The following BRCA2 variants were observed in gnomAD, a reference collection of about 807,000 sequenced individuals.
BRCA2 encodes BRCA2 DNA repair associated.
A neutral mutation model predicts 276.7 loss-of-function variants in BRCA2; 203 were observed. The observed-to-expected ratio is 0.73, with a 90% CI of 0.65 to 0.82. The LOEUF (loss-of-function observed/expected upper bound fraction) is 0.82. Ranked by LOEUF, BRCA2 falls within the 40% of genes least tolerant of loss-of-function variation. The pLI is 0.00. For synonymous variants in BRCA2, 1,289 were observed against 1,338.4 expected (o/e 0.96, Z 0.81); for missense variants, 3,920 against 3,915.0 (o/e 1.00, Z -0.03).
In BRCA2 at chr13:32,395,590, G is replaced by A. The variant is rs545759883; in HGVS notation, c.9501+657G>A. ...GTCAAATGCCAAGTTAGTAAAACTA[G>A]GATTCATACTTAGGCCATCGAATGC... is the stretch of plus-strand genomic sequence containing the variant. On this transcript the variant is annotated intron_variant, in intron 25 of 26. Transcript: ENST00000380152. Among the ~76,000 whole-genome samples, 13 of 152,188 alleles carry A rather than the reference G, an allele frequency of 8.5e-5. No individual in the cohort carries two copies. In the East Asian group the frequency reaches 2.5e-3, roughly 29 times the overall value.
intron 13 of BRCA2, among the ~76,000 whole-genome samples, chr13:32,349,459 A>G (rs1302067865): frequency 1.3e-5 from 2 of 152,122 alleles, no homozygotes; most frequent in Non-Finnish European, 2.9e-5. Context: ...AAGACTAGGA[A>G]TTGGTGGCTT....
chr13:32,395,712 C>T (rs1326725188), intron 25 of BRCA2, among the ~76,000 whole-genome samples: 1 of 151,992 alleles, frequency 6.6e-6, no homozygotes, highest in Non-Finnish European at 1.5e-5. Flanking sequence ...AAAAATAAGC[C>T]TCTTAATTCT....
Position 32,333,096 on chromosome 13 carries a change from C to G in BRCA2, c.1618C>G (p.Leu540Val), listed in dbSNP as rs554273481. 1 of 1,612,996 alleles carries G rather than the reference C, an allele frequency of 6.2e-7. No homozygotes were observed. The highest frequency in any genetic ancestry group is 2.2e-5 in the East Asian group (1 of 44,864). The part of the protein sequence containing the change: ...KKETEASESG[L>V]EIHTVCSQKE... The stretch of plus-strand genomic sequence containing the variant: ...AGAAACTGAAGCCTCTGAAAGTGGA[C>G]TGGAAATACATACTGTTTGCTCACA... The change falls in exon 10 of 27, where the codon CTG becomes GTG. Residue 540 changes from leucine to valine, a missense_variant. Physicochemically the swap from Leu to Val is conservative, Grantham distance 32. Around this residue, in one of 2 missense-constraint regions of BRCA2, gnomAD observed 3,263 missense variants for 3,156.9 expected, o/e 1.03. Coordinates refer to ENST00000380152, the MANE Select transcript of BRCA2 (RefSeq NM_000059.4).
chr13:32,354,892 C>A lies in BRCA2; in HGVS notation c.7039C>A (p.Pro2347Thr). The A allele has an allele frequency of 6.2e-7, 1 of 1,612,132 alleles. No individual in the cohort carries two copies. The highest frequency in any genetic ancestry group is 8.5e-7 in the Non-Finnish European group (1 of 1,178,304). ...TAAGGAACGTCAAGAGATACAGAAT[C>A]CAAATTTTACCGCACCTGGTCAAGA... Reference protein sequence around the residue: ...TTKERQEIQNPNFTAPGQEFL... With the variant: ...TTKERQEIQNTNFTAPGQEFL... The change falls in exon 14 of 27, where the codon CCA (proline) becomes ACA (threonine). Residue 2347 changes from proline (P) to threonine (T), a missense_variant. Pro to Thr is a conservative substitution (Grantham distance 38, BLOSUM62 -1). Transcript: ENST00000380152.
In BRCA2 at chr13:32,337,799, G is replaced by C. The variant is rs1555283240; in HGVS notation, c.3444G>C (p.Gln1148His). The C allele has an allele frequency of 6.2e-7, 1 of 1,614,060 alleles. No individual in the cohort carries two copies. Among genetic ancestry groups the C allele is most frequent in the Non-Finnish European group, 8.5e-7 (1 of 1,179,960 alleles). Residue 1148 changes from glutamine to histidine, a missense_variant, in exon 11 of 27, where the codon CAG becomes CAC. Gln to His is a conservative substitution (Grantham distance 24). This residue lies in a region of BRCA2 where 3,263 missense variants were observed against 3,156.9 expected (regional missense o/e 1.03). Coordinates refer to ENST00000380152, the MANE Select transcript of BRCA2 (RefSeq NM_000059.4). ...GTACATTTGAAGTGCCTGAAAACCA[G>C]ATGACTATCTTAAAGACCACTTCTG... ...QKSTFEVPEN[Q>H]MTILKTTSEE...
chr13:32,333,256 C>T lies in BRCA2; in HGVS notation c.1778C>T (p.Ala593Val), dbSNP rs1466122065. ...LKKKTNKFIYAIHDETSYKGK... is the reference protein window; with the variant it reads ...LKKKTNKFIYVIHDETSYKGK... The stretch of plus-strand genomic sequence containing the variant: ...AAGAAAACAAATAAGTTTATTTATG[C>T]TATACATGATGAAACATCTTATAAA... Residue 593 changes from alanine to valine, a missense_variant, in exon 10 of 27, where the codon GCT becomes GTT. Transcript: ENST00000380152. The T allele has an allele frequency of 1.9e-6, 3 of 1,609,750 alleles. No individual in the cohort carries two copies. The highest frequency in any genetic ancestry group is 8.5e-7 in the Non-Finnish European group (1 of 1,177,966).
At chr13:32,363,652 T>A in intron 18 of BRCA2, 119 bp downstream of exon 18, 1 of 965,426 alleles carries the variant, frequency 1.0e-6, no homozygotes, top group Non-Finnish European at 1.5e-6. Context: ...GTACTGATAA[T>A]TTTAGTATAA....
rs864622363 is a variant in BRCA2, at chr13:32,337,895, G to A, written c.3540G>A (p.Lys1180=). Residue 1180 remains lysine, a synonymous_variant, in exon 11 of 27, where the codon AAG becomes AAA. Coordinates refer to ENST00000380152, the MANE Select transcript of BRCA2 (RefSeq NM_000059.4). ...APSIGQVDSS[K]QFEGTVEIKR... ...CGATTGGTCAGGTAGACAGCAGCAA[G>A]CAATTTGAAGGTACAGTTGAAATTA... 6.2e-7 allele frequency: 1 copy of A among 1,614,106 alleles called. No homozygotes were observed. Among genetic ancestry groups the A allele is most frequent in the Non-Finnish European group, 8.5e-7 (1 of 1,179,958 alleles).
intron 4 of BRCA2, among the ~76,000 whole-genome samples, chr13:32,325,714 G>T (rs1013256470): frequency 2.6e-5 from 4 of 151,676 alleles, no homozygotes; most frequent in Non-Finnish European, 5.9e-5. Context: ...CTAATTTTTT[G>T]TATTTTTAGT....
rs779846458 is a variant in BRCA2, at chr13:32,380,173, T to A, written c.9256+28T>A. 5.0e-5 allele frequency: 79 copies of A among 1,581,752 alleles called. No homozygotes were observed. Among genetic ancestry groups the A allele is most frequent in the Non-Finnish European group, 3.4e-5 (40 of 1,166,636 alleles). On this transcript the variant is annotated intron_variant, in intron 24 of 26. Coordinates refer to ENST00000380152, the MANE Select transcript of BRCA2 (RefSeq NM_000059.4). ...AATGCACAATATAGTTAATTTTTTT[T>A]ATTGATTCTTTTAAAAAACATTGTC...
intron 18 of BRCA2, among the ~76,000 whole-genome samples, chr13:32,369,873 C>G (rs1387325934): frequency 6.6e-6 from 1 of 152,200 alleles, no homozygotes; most frequent in East Asian, 1.9e-4. Flanking sequence ...CTTGCCTGGC[C>G]AAAGATTAAT....
chr13:32,321,143 CA>C (rs981389329), intron 3 of BRCA2, among the ~76,000 whole-genome samples: 16 of 151,822 alleles, frequency 1.1e-4, no homozygotes, highest in African/African-American at 3.6e-4. Flanking sequence ...ATGGAGGATT[CA>C]AAAAAAGGAA....
intron 10 of BRCA2, 80 bp from the exon 11 acceptor site, chr13:32,336,181 ACTAC>A (rs1230870769): frequency 6.9e-7 from 1 of 1,446,634 alleles, no homozygotes; most frequent in East Asian, 2.3e-5. Flanking sequence ...GTGCCCAAAC[ACTAC>A]CTTTTTAACT....
At position 32,398,960 on chromosome 13, in the gene BRCA2, T is replaced by C. The variant is rs766946769; in HGVS notation, c.*190T>C. 1.6e-6 allele frequency: 1 copy of C among 636,434 alleles called. No individual in the cohort carries two copies. Among genetic ancestry groups the C allele is most frequent in the East Asian group, 3.0e-5 (1 of 33,560 alleles). 39.4% of individuals were successfully genotyped at this position (636,434 alleles called of 1,614,324 possible). The stretch of plus-strand genomic sequence containing the variant: ...CGATTCCGTATTGGTATACTTTTGC[T>C]TCAGTTGCATATCTTAAAACTAAAT... On this transcript the variant is annotated 3_prime_UTR_variant, in exon 27 of 27. Coordinates refer to ENST00000380152, the MANE Select transcript of BRCA2 (RefSeq NM_000059.4).
chr13:32,390,540 C>A (rs550993586), intron 24 of BRCA2, among the ~76,000 whole-genome samples: 9 of 152,276 alleles, frequency 5.9e-5, no homozygotes, highest in Admixed American at 5.9e-4. Flanking sequence ...TAAAAATCTT[C>A]TTTGTTTTGC....
chr13:32,391,549 C>T (rs1160402263), intron 24 of BRCA2, among the ~76,000 whole-genome samples: 1 of 152,216 alleles, frequency 6.6e-6, no homozygotes, highest in African/African-American at 2.4e-5. Context: ...TGCCTTGGTC[C>T]TGAAGGGGAT....
chr13:32,339,770 TGAA>T lies in BRCA2; in HGVS notation c.5418_5420del (p.Glu1806del), dbSNP rs1229825490. ...CAAATGCATACCCACAAACTGTAAA[TGAA>T]GATATTTGCGTTGAGGAACTTGTGA... On this transcript the variant is annotated inframe_deletion, in exon 11 of 27. Coordinates refer to ENST00000380152, the MANE Select transcript of BRCA2 (RefSeq NM_000059.4). The T allele has an allele frequency of 6.2e-7, 1 of 1,613,854 alleles. No homozygotes were observed.
At chr13:32,316,284 A>C in intron 1 of BRCA2, 138 bp from the exon 2 acceptor site, 1 of 669,988 alleles carries the variant, frequency 1.5e-6, no homozygotes, top group Non-Finnish European at 2.7e-6. Context: ...TCCCATCCTC[A>C]CAGTAAGCTG....
At position 32,384,439 on chromosome 13, in the gene BRCA2, A is replaced by G. The variant is rs538867895; in HGVS notation, c.9256+4294A>G. Reference sequence around the variant, plus strand: ...GGAAGCGGAATCCAGGGAATTTGGCATGACTGAGAGCCTGTGCTGCCTTTT... The same window carrying G: ...GGAAGCGGAATCCAGGGAATTTGGCGTGACTGAGAGCCTGTGCTGCCTTTT... On this transcript the variant is annotated intron_variant, in intron 24 of 26. Transcript: ENST00000380152. Among the ~76,000 whole-genome samples, 3 of 152,332 alleles carry G rather than the reference A, an allele frequency of 2.0e-5. No individual in the cohort carries two copies. The South Asian group carries it at 6.2e-4, about 32-fold the overall frequency.
Sources: gnomAD v4.1 joint callset for allele counts (sites outside exome capture counted in the v4.1 genomes callset) on GRCh38, gnomAD v4.1.1 for gene constraint, gnomAD v4.1.1 regional missense constraint, MANE v1.5 for transcripts, NCBI Gene and HGNC (gene_info 2026-07-23, HGNC 2026-07-21) for gene names.